Variants in WDR20 observed in about 807,000 individuals in gnomAD.
The protein encoded by WDR20 is WD repeat-containing protein 20.
In WDR20, 3 loss-of-function variants were observed where a neutral mutation model predicts 38.7. That is an observed-to-expected ratio of 0.08 (90% CI 0.04 to 0.20). WDR20 has a LOEUF of 0.20. WDR20 is among the 10% of genes least tolerant of loss of function. The pLI is 1.00. For missense variants in WDR20, 559 were observed against 727.7 expected (o/e 0.77, Z 2.67); for synonymous variants, 298 against 285.6 (o/e 1.04, Z -0.44).
At chr14:102,145,431 T>C (rs1275830185) in intron 1 of WDR20, among the ~76,000 whole-genome samples, 2 of 152,216 alleles carry the variant, frequency 1.3e-5, no homozygotes, top group Non-Finnish European at 2.9e-5. Context: ...TGTCAAACCA[T>C]GTCACCTACA....
intron 1 of WDR20, among the ~76,000 whole-genome samples, chr14:102,146,615 T>C (rs977226533): frequency 1.3e-5 from 2 of 152,200 alleles, no homozygotes; most frequent in African/African-American, 4.8e-5. Context: ...AATGCTCATA[T>C]GGGAAATGTT....
chr14:102,175,849 G>C lies in WDR20; in HGVS notation c.250-19089G>C, dbSNP rs535785936. On this transcript the variant is annotated intron_variant, in intron 1 of 2. Transcript: ENST00000342702. ...GGTTAAGTTCTTGATTTGATTCTCAGCTTGGTCGCTGTTGGTATATAGCAG... is the reference window on the plus strand; with the variant it reads ...GGTTAAGTTCTTGATTTGATTCTCACCTTGGTCGCTGTTGGTATATAGCAG... Among the ~76,000 whole-genome samples the C allele has an allele frequency of 9.2e-5, 14 of 152,254 alleles. No homozygotes were observed. In the East Asian group the frequency reaches 2.3e-3, roughly 25 times the overall value.
chr14:102,195,189 C>G, intron 2 of WDR20, 69 bp downstream of exon 2: 1 of 1,549,196 alleles, frequency 6.5e-7, no homozygotes, highest in Non-Finnish European at 8.7e-7. Context: ...CGAGGGTAGT[C>G]GGCCTTATTT....
At chr14:102,215,245 A>G (rs568521359), downstream of WDR20, among the ~76,000 whole-genome samples, 22 of 152,206 alleles carry the variant, frequency 1.4e-4, no homozygotes, top group Non-Finnish European at 2.8e-4. Flanking sequence ...TGCCAACTCC[A>G]GTCCGGGAGA....
intron 1 of WDR20, among the ~76,000 whole-genome samples, chr14:102,166,188 A>G (rs1168859544): frequency 2.9e-5 from 4 of 136,200 alleles, no homozygotes; most frequent in Non-Finnish European, 3.0e-5. Flanking sequence ...GCCGTTGCCC[A>G]AGCTGATCTC....
intron 1 of WDR20, among the ~76,000 whole-genome samples, chr14:102,166,860 G>T (rs2059881789): frequency 6.6e-6 from 1 of 151,944 alleles, no homozygotes; most frequent in African/African-American, 2.4e-5. Flanking sequence ...TATATATCTT[G>T]ACTACATCTG....
chr14:102,163,152 T>G (rs1240145414), intron 1 of WDR20, among the ~76,000 whole-genome samples: 1 of 152,110 alleles, frequency 6.6e-6, no homozygotes, highest in Non-Finnish European at 1.5e-5. Context: ...ATGCCATTAT[T>G]GAGGGAGTGG....
At chr14:102,200,707 TA>T (rs1431855506) in intron 2 of WDR20, among the ~76,000 whole-genome samples, 1 of 152,192 alleles carries the variant, frequency 6.6e-6, no homozygotes, top group South Asian at 2.1e-4. Flanking sequence ...GGCTGAAATA[TA>T]AAATGTTAAA....
At chr14:102,212,935 C>T (rs1483005236), downstream of WDR20, 1 of 1,074,742 alleles carries the variant, frequency 9.3e-7, no homozygotes, top group East Asian at 7.1e-5. Context: ...GTCAGCATCA[C>T]TGTTCCAGCG....
downstream of WDR20, among the ~76,000 whole-genome samples, chr14:102,217,596 G>C (rs111728252): frequency 2.0e-5 from 3 of 146,818 alleles, no homozygotes; most frequent in South Asian, 6.3e-4. Flanking sequence ...GATGGGTCCC[G>C]ACGTCCCTGG....
chr14:102,185,054 A>G (rs2064290914), intron 1 of WDR20, among the ~76,000 whole-genome samples: 1 of 152,182 alleles, frequency 6.6e-6, no homozygotes, highest in South Asian at 2.1e-4. Flanking sequence ...GGAAGATTAT[A>G]CTGGAAGGAA....
Position 102,209,466 on chromosome 14 carries a change from C to T in WDR20, c.1296C>T (p.Ser432=), listed in dbSNP as rs1024604815. The T allele has an allele frequency of 6.2e-7, 1 of 1,614,144 alleles. No individual in the cohort carries two copies. The highest frequency in any genetic ancestry group is 1.3e-5 in the African/African-American group (1 of 75,022). ...CTGTGCCGCCTCCTCTGCCACGGTC[C>T]AACAGCCTTCCACATTCAGCAGTCT... ...GNSVPPPLPR[S]NSLPHSAVSN... Residue 432 remains serine (S), a synonymous_variant, in exon 3 of 3, where the codon TCC becomes TCT. Coordinates refer to ENST00000342702, the MANE Select transcript of WDR20 (RefSeq NM_144574.4). The surrounding 1 kb of genome is among the most constrained non-coding windows in gnomAD (Gnocchi z 6.0).
At chr14:102,196,813 ATACTCACTTT>A (rs2059489152) in intron 2 of WDR20, among the ~76,000 whole-genome samples, 1 of 152,206 alleles carries the variant, frequency 6.6e-6, no homozygotes, top group South Asian at 2.1e-4. Context: ...GAGTTATCTC[ATACTCACTTT>A]ACATTTTATT....
At chr14:102,140,828 T>C (rs902564159) in intron 1 of WDR20, among the ~76,000 whole-genome samples, 4 of 152,228 alleles carry the variant, frequency 2.6e-5, no homozygotes, top group African/African-American at 9.6e-5. Flanking sequence ...AGAGTCATCT[T>C]GTCCCTTGTA....
intron 1 of WDR20, among the ~76,000 whole-genome samples, chr14:102,152,418 CTCTT>C (rs559977517): frequency 0.014 from 1,049 of 77,360 alleles, 6 homozygotes; most frequent in Non-Finnish European, 0.028. Context: ...TGCAGGGTCT[CTCTT>C]TTTTTTTTTT....
At chr14:102,224,677 C>T (rs774605771), downstream of WDR20, 6 of 455,860 alleles carry the variant, frequency 1.3e-5, no homozygotes, top group African/African-American at 2.0e-5. Flanking sequence ...CAGCTCAGCC[C>T]TCGGTTTAGT....
chr14:102,164,052 C>T lies in WDR20; in HGVS notation c.249+23880C>T, dbSNP rs373468646. On this transcript the variant is annotated intron_variant, in intron 1 of 2. Coordinates refer to ENST00000342702, the MANE Select transcript of WDR20 (RefSeq NM_144574.4). Reference sequence around the variant, plus strand: ...GGGCTTTCCTTGATGTGGCAGCAGTCTGACTTTGCCAGGGAGCTCAGAGAG... The same window carrying T: ...GGGCTTTCCTTGATGTGGCAGCAGTTTGACTTTGCCAGGGAGCTCAGAGAG... Among the ~76,000 whole-genome samples the T allele has an allele frequency of 3.3e-5, 5 of 152,260 alleles. No individual in the cohort carries two copies. The South Asian group carries it at 1.0e-3, about 32-fold the overall frequency.
downstream of WDR20, among the ~76,000 whole-genome samples, chr14:102,224,265 C>G (rs1240921746): frequency 2.0e-5 from 3 of 151,986 alleles, no homozygotes; most frequent in Non-Finnish European, 4.4e-5. Flanking sequence ...TGGTCTCGAT[C>G]TCCTGACCTC....
At chr14:102,187,604 T>C (rs1047585627) in intron 1 of WDR20, among the ~76,000 whole-genome samples, 1 of 152,108 alleles carries the variant, frequency 6.6e-6, no homozygotes, top group African/African-American at 2.4e-5. Context: ...AGTGCTAAGC[T>C]GTAGGCCCTG....
Sources: allele counts gnomAD v4.1 joint callset (sites outside exome capture counted in the v4.1 genomes callset), GRCh38; gene constraint gnomAD v4.1.1; non-coding constraint Gnocchi (gnomAD v3.1); transcripts MANE v1.5; gene names NCBI Gene and HGNC (gene_info 2026-07-23, HGNC 2026-07-21).